Variants in ITGA4 observed in about 807,000 individuals in gnomAD.
ITGA4 encodes the protein integrin subunit alpha 4.
ITGA4 carries 63 observed loss-of-function variants against 133.6 expected under a neutral mutation model. The observed-to-expected ratio is 0.47, with a 90% CI of 0.38 to 0.58. ITGA4 has a LOEUF of 0.58. ITGA4 is among the 20% of genes least tolerant of loss of function. ITGA4 has a pLI of 0.00. For synonymous variants in ITGA4, 483 were observed against 438.0 expected (o/e 1.10, Z -1.28); for missense variants, 1,076 against 1,252.7 (o/e 0.86, Z 2.13).
rs1429564272 is a variant in ITGA4, at chr2:181,533,674, T to G, written c.2785-598T>G. The stretch of plus-strand genomic sequence containing the variant: ...AGATCTATAGGAAGCTTGTCATTTT[T>G]GGCTCTAAAATGTTAAATAACATTT... On this transcript the variant is annotated intron_variant, in intron 25 of 27. Transcript: ENST00000397033. Among the ~76,000 whole-genome samples the G allele has an allele frequency of 2.0e-5, 3 of 152,210 alleles. No homozygotes were observed. In the East Asian group the frequency reaches 5.8e-4, roughly 29 times the overall value.
At chr2:181,519,429 T>C (rs1312404650) in intron 17 of ITGA4, among the ~76,000 whole-genome samples, 2 of 152,150 alleles carry the variant, frequency 1.3e-5, no homozygotes, top group African/African-American at 4.8e-5. Context: ...ATGTGCATTT[T>C]TCTATGCATG....
Position 181,511,708 on chromosome 2 carries a change from G to T in ITGA4, c.1855G>T (p.Ala619Ser). Residue 619 changes from alanine (A) to serine (S), a missense_variant, in exon 17 of 28, where the codon GCA becomes TCA. By Grantham distance (99) the Ala-to-Ser change is moderately conservative. This residue lies in a region of ITGA4 where 365 missense variants were observed against 421.4 expected (regional missense o/e 0.87). Coordinates refer to ENST00000397033, the MANE Select transcript of ITGA4 (RefSeq NM_000885.6). ...GTCTTTTTATTTCCAGATAAACTTT[G>T]CAAGGTTTTGTGCCCATGAAAATTG... is the stretch of plus-strand genomic sequence containing the variant. ...KDIMKKTINF[A>S]RFCAHENCSA... 6.3e-7 allele frequency: 1 copy of T among 1,579,300 alleles called. No homozygotes were observed. Among genetic ancestry groups the T allele is most frequent in the Non-Finnish European group, 8.7e-7 (1 of 1,151,228 alleles).
At position 181,480,154 on chromosome 2, in the gene ITGA4, G is replaced by A. The variant is rs777087375; in HGVS notation, c.642G>A (p.Gly214=). 41 of 1,549,924 alleles carry A rather than the reference G, an allele frequency of 2.6e-5. No individual in the cohort carries two copies. The highest frequency in any genetic ancestry group is 5.6e-5 in the African/African-American group (4 of 70,946). ...SFYTKDLIVM[G]APGSSYWTGS... ...TCTTACAGGATTTAATTGTGATGGG[G>A]GCCCCAGGATCATCTTACTGGACTG... The change falls in exon 6 of 28, where the codon GGG becomes GGA. Residue 214 remains glycine, a synonymous_variant. Transcript: ENST00000397033.
At chr2:181,526,315 C>T (rs1343154795) in intron 21 of ITGA4, among the ~76,000 whole-genome samples, 2 of 152,142 alleles carry the variant, frequency 1.3e-5, no homozygotes, top group Non-Finnish European at 2.9e-5. Flanking sequence ...AAGGTATGTT[C>T]ACCTGTTAAA....
intron 2 of ITGA4, chr2:181,458,621 ACT>A (rs992072317): frequency 7.7e-5 from 27 of 352,232 alleles, no homozygotes; most frequent in African/African-American, 1.5e-4. Flanking sequence ...CACATTTTAG[ACT>A]CTCTCAGCGT....
chr2:181,472,569 A>C (rs1033490677), intron 2 of ITGA4, among the ~76,000 whole-genome samples: 12 of 152,350 alleles, frequency 7.9e-5, no homozygotes, highest in African/African-American at 2.9e-4. Context: ...ATTGTAGTAA[A>C]TAACAGGAAC....
At chr2:181,534,482 C>A in intron 26 of ITGA4, 112 bp downstream of exon 26, 1 of 710,490 alleles carries the variant, frequency 1.4e-6, no homozygotes, top group African/African-American at 1.8e-5. Flanking sequence ...GTGTGACCAG[C>A]TCATGGAGGG....
At chr2:181,468,817 G>T (rs943372579) in intron 2 of ITGA4, among the ~76,000 whole-genome samples, 1 of 152,036 alleles carries the variant, frequency 6.6e-6, no homozygotes, top group Non-Finnish European at 1.5e-5. Flanking sequence ...AAAAGGAGAT[G>T]GTTTTTAATG....
chr2:181,531,596 A>G, intron 24 of ITGA4, 61 bp from the exon 25 acceptor site: 1 of 950,822 alleles, frequency 1.1e-6, no homozygotes, highest in Non-Finnish European at 1.5e-6. Context: ...TATATAAAAT[A>G]TTTTAAAAAT....
At position 181,534,901 on chromosome 2, in the gene ITGA4, T is replaced by C. The variant is rs184369582; in HGVS notation, c.2969T>C (p.Ile990Thr). Reference sequence around the variant, plus strand: ...TCAAGTAGCTTGCTACTTGGACTTATTGTACTTCTATTGATCTCATATGTT... The same window carrying C: ...TCAAGTAGCTTGCTACTTGGACTTACTGTACTTCTATTGATCTCATATGTT... ...IISSSLLLGL[I>T]VLLLISYVMW... Residue 990 changes from isoleucine (I) to threonine (T), a missense_variant, in exon 27 of 28, where the codon ATT becomes ACT. By Grantham distance (89) the Ile-to-Thr change is moderately conservative. Coordinates refer to ENST00000397033, the MANE Select transcript of ITGA4 (RefSeq NM_000885.6). The C allele has an allele frequency of 1.7e-4, 263 of 1,592,920 alleles. No individual in the cohort carries two copies. The highest frequency in any genetic ancestry group is 5.1e-4 in the Middle Eastern group (3 of 5,916).
In ITGA4 at chr2:181,495,017, CTG is replaced by C. The variant is rs1686130743; in HGVS notation, c.1339+209_1339+210del. On this transcript the variant is annotated intron_variant, in intron 12 of 27. Transcript: ENST00000397033. The surrounding 1 kb of genome is among the most constrained non-coding windows in gnomAD (Gnocchi z 4.3). ...AGTGCTAGTTACACAATGTTATAGTCTGTGTTTTTGAAAACATGAAAGCACTC... is the reference window on the plus strand; with the variant it reads ...AGTGCTAGTTACACAATGTTATAGTCTGTTTTTGAAAACATGAAAGCACTC... Among the ~76,000 whole-genome samples, 1 of 152,030 alleles carries C rather than the reference CTG, an allele frequency of 6.6e-6. No individual in the cohort carries two copies. The highest frequency in any genetic ancestry group is 1.5e-5 in the Non-Finnish European group (1 of 68,008).
chr2:181,493,688 G>A (rs926265019), intron 11 of ITGA4, among the ~76,000 whole-genome samples: 1 of 152,056 alleles, frequency 6.6e-6, no homozygotes, highest in African/African-American at 2.4e-5. Flanking sequence ...TCATTAAATT[G>A]CATTCTGAGG....
rs147081320 is a variant in ITGA4 at position 181,503,565 on chromosome 2, CT to C, written c.1695+4811del. ...AAATAAGAAAGAAGGAAGAAATTGT[CT>C]TTTTTTTTTTTTTTTTTTTTTTGCT... On this transcript the variant is annotated intron_variant, in intron 15 of 27. Transcript: ENST00000397033. 5.7e-3 allele frequency among the ~76,000 whole-genome samples: 583 copies of C among 101,730 alleles called. 3 individuals are homozygous for C. Among genetic ancestry groups the C allele is most frequent in the African/African-American group, 0.021 (553 of 26,266 alleles). 66.7% of individuals were successfully genotyped at this position (101,730 alleles called of 152,430 possible). A position where few individuals can be genotyped will look rare whatever the true frequency, so the allele number is the denominator to read the frequency against.
chr2:181,479,911 T>C lies in ITGA4; in HGVS notation c.625-226T>C, dbSNP rs537124358. 1.6e-4 allele frequency among the ~76,000 whole-genome samples: 24 copies of C among 152,120 alleles called. No individual in the cohort carries two copies. In the East Asian group the frequency reaches 4.4e-3, roughly 28 times the overall value. ...CTTTTGAAATCCACTGATAAATGCA[T>C]TGAATGAGAGTTTCAGAGTTTCTTC... On this transcript the variant is annotated intron_variant, in intron 5 of 27. Transcript: ENST00000397033.
At chr2:181,520,485 T>A (rs923975784) in intron 17 of ITGA4, among the ~76,000 whole-genome samples, 4 of 152,020 alleles carry the variant, frequency 2.6e-5, no homozygotes, top group African/African-American at 9.7e-5. Flanking sequence ...TCTAGTTTGC[T>A]TTCTTGAAAA....
At chr2:181,475,560 G>T (rs936110916) in intron 4 of ITGA4, among the ~76,000 whole-genome samples, 2 of 151,966 alleles carry the variant, frequency 1.3e-5, no homozygotes, top group Non-Finnish European at 2.9e-5. Context: ...CTTTCAATTT[G>T]GTATAGGTGA....
Position 181,523,461 on chromosome 2 carries a change from G to A in ITGA4, c.2098G>A (p.Val700Ile), listed in dbSNP as rs1686763092. 3.1e-6 allele frequency: 5 copies of A among 1,607,972 alleles called. No homozygotes were observed. The East Asian group carries it at 1.1e-4, about 36-fold the overall frequency. The part of the protein sequence containing the change: ...ELEEKQINCE[V>I]TDNSGVVQLD... ...GGAAGAGAAGCAAATAAACTGTGAAGTCACAGATAACTCTGGCGTGGTACA... is the reference window on the plus strand; with the variant it reads ...GGAAGAGAAGCAAATAAACTGTGAAATCACAGATAACTCTGGCGTGGTACA... The change falls in exon 19 of 28, where the codon GTC (valine) becomes ATC (isoleucine). Residue 700 changes from valine (V) to isoleucine (I), a missense_variant. Coordinates refer to ENST00000397033, the MANE Select transcript of ITGA4 (RefSeq NM_000885.6). This position sits in a 1 kb window ranked among gnomAD's most constrained non-coding sequence, Gnocchi z 4.2.
At chr2:181,508,916 G>A (rs1686446367) in intron 15 of ITGA4, among the ~76,000 whole-genome samples, 3 of 151,546 alleles carry the variant, frequency 2.0e-5, no homozygotes, top group Admixed American at 2.0e-4. Flanking sequence ...GCCAAAACTG[G>A]AGGAGCCCTT....
In ITGA4 at chr2:181,460,575, G is replaced by A. The variant is rs867449799; in HGVS notation, c.319+2258G>A. 5.3e-3 allele frequency among the ~76,000 whole-genome samples: 804 copies of A among 151,312 alleles called. 6 individuals carry two copies. The highest frequency in any genetic ancestry group is 0.018 in the African/African-American group (754 of 41,198). On this transcript the variant is annotated intron_variant, in intron 2 of 27. Transcript: ENST00000397033. ...CCATCTTCTGTAGAAGAGTGTGTGT[G>A]TGTGTGTGTGTGTGTGTGTGTGTGT...
Sources: gnomAD v4.1 joint callset for allele counts (sites outside exome capture counted in the v4.1 genomes callset) on GRCh38, gnomAD v4.1.1 for gene constraint, gnomAD v4.1.1 regional missense constraint, Gnocchi (gnomAD v3.1) non-coding constraint, MANE v1.5 for transcripts, NCBI Gene and HGNC (gene_info 2026-07-23, HGNC 2026-07-21) for gene names.